FRAS1: variants seen among roughly 807,000 people sequenced by gnomAD.
FRAS1 encodes the protein extracellular matrix organizing protein FRAS1.
A neutral mutation model predicts 435.2 loss-of-function variants in FRAS1; 290 were observed. That is an observed-to-expected ratio of 0.67 (90% CI 0.61 to 0.73). The LOEUF is 0.73. FRAS1 is among the 30% of genes least tolerant of loss of function. The pLI is 0.00. For missense variants in FRAS1, 4,860 were observed against 5,001.5 expected, an observed-to-expected ratio of 0.97 and a Z score of 0.85; for synonymous variants, 1,800 against 1,851.0, an observed-to-expected ratio of 0.97 and a Z score of 0.71.
chr4:78,382,143 A>G (rs941827350), intron 27 of FRAS1, among the ~76,000 whole-genome samples: 2 of 152,158 alleles, frequency 1.3e-5, no homozygotes, highest in Non-Finnish European at 2.9e-5. Context: ...CACTGGAACA[A>G]AATGGCATTG....
At chr4:78,231,234 C>A (rs1363057193) in intron 2 of FRAS1, among the ~76,000 whole-genome samples, 1 of 151,884 alleles carries the variant, frequency 6.6e-6, no homozygotes, top group Admixed American at 6.6e-5. Context: ...GGATTACAGG[C>A]GTGAGCCACT....
intron 9 of FRAS1, among the ~76,000 whole-genome samples, chr4:78,275,224 G>A (rs1240613126): frequency 7.2e-5 from 11 of 152,058 alleles, no homozygotes; most frequent in African/African-American, 2.7e-4. Context: ...ACATGAGATG[G>A]GTCTCCTGAA....
chr4:78,087,625 C>A (rs1741259515), intron 2 of FRAS1, among the ~76,000 whole-genome samples: 2 of 152,102 alleles, frequency 1.3e-5, no homozygotes, highest in Admixed American at 6.6e-5. Flanking sequence ...TTCTTATACA[C>A]CAATAACAGA....
At position 78,540,665 on chromosome 4, in the gene FRAS1, C is replaced by T; in HGVS notation, c.11580C>T (p.Gly3860=). The change falls in exon 74 of 74, where the codon GGC becomes GGT. Residue 3860 remains glycine (G), a synonymous_variant. Transcript: ENST00000512123. ...RNRRDLVEPD[G]QLILDDSLIY... is the part of the protein sequence containing the mutation. ...GAAGGGACCTGGTAGAGCCCGATGG[C>T]CAGCTGATCCTTGATGATTCCCTCA... 6.2e-7 allele frequency: 1 copy of T among 1,612,554 alleles called. No individual in the cohort carries two copies. The highest frequency in any genetic ancestry group is 8.5e-7 in the Non-Finnish European group (1 of 1,179,088).
intron 2 of FRAS1, among the ~76,000 whole-genome samples, chr4:78,132,142 TTTA>T (rs1719711110): frequency 6.6e-6 from 1 of 152,230 alleles, no homozygotes; most frequent in Non-Finnish European, 1.5e-5. Context: ...GTGTTTTATT[TTTA>T]TTTTTTGCCA....
intron 12 of FRAS1, 115 bp from the exon 13 acceptor site, chr4:78,284,290 C>T (rs1727474059): frequency 1.2e-4 from 45 of 361,688 alleles, no homozygotes; most frequent in South Asian, 4.5e-4. Context: ...CCACAGTTTT[C>T]TGTTCTTCAT....
intron 2 of FRAS1, among the ~76,000 whole-genome samples, chr4:78,174,610 C>A (rs1247248958): frequency 6.6e-6 from 1 of 152,232 alleles, no homozygotes; most frequent in African/African-American, 2.4e-5. Flanking sequence ...TACCAACTGT[C>A]TAACAATTAA....
chr4:78,334,370 T>C (rs1478818192), intron 19 of FRAS1, among the ~76,000 whole-genome samples: 3 of 97,726 alleles, frequency 3.1e-5, no homozygotes, highest in Non-Finnish European at 6.9e-5. Flanking sequence ...TTTCTTTTTT[T>C]TTTTTTTTTT....
rs1178701954 is a variant in FRAS1, at chr4:78,119,807, G to T, written c.108+53791G>T. 3.3e-5 allele frequency among the ~76,000 whole-genome samples: 5 copies of T among 152,168 alleles called. No homozygotes were observed. In the East Asian group the frequency reaches 9.6e-4, roughly 29 times the overall value. On this transcript the variant is annotated intron_variant, in intron 2 of 73. Coordinates refer to ENST00000512123, the MANE Select transcript of FRAS1 (RefSeq NM_025074.7). The stretch of plus-strand genomic sequence containing the variant: ...AAGTGTCCCAGGTGATTCTGATACT[G>T]GTCCATGGACCAGTGTATGGGAAAC...
intron 2 of FRAS1, among the ~76,000 whole-genome samples, chr4:78,116,028 T>C (rs1743145360): frequency 6.6e-6 from 1 of 152,232 alleles, no homozygotes; most frequent in Admixed American, 6.5e-5. Flanking sequence ...TGGTATGTTG[T>C]GTCTTTGTTC....
At chr4:78,134,972 T>C (rs557765098) in intron 2 of FRAS1, among the ~76,000 whole-genome samples, 1 of 152,282 alleles carries the variant, frequency 6.6e-6, no homozygotes, top group South Asian at 2.1e-4. Context: ...TTATTATTTT[T>C]TTAAAATCCG....
intron 9 of FRAS1, among the ~76,000 whole-genome samples, chr4:78,272,093 G>T (rs926773547): frequency 7.2e-5 from 11 of 152,180 alleles, no homozygotes; most frequent in African/African-American, 2.2e-4. Flanking sequence ...TCATGTGTCT[G>T]TTGGCTGCAT....
chr4:78,444,289 G>A (rs920431551), intron 41 of FRAS1: 2 of 295,186 alleles, frequency 6.8e-6, no homozygotes, highest in African/African-American at 4.5e-5. Flanking sequence ...ATAGCCTAAT[G>A]ATTATTGGGT....
At chr4:78,132,020 A>C (rs1248827414) in intron 2 of FRAS1, among the ~76,000 whole-genome samples, 2 of 152,212 alleles carry the variant, frequency 1.3e-5, no homozygotes. Flanking sequence ...TCTTTATTTC[A>C]GTATGGTCCC....
intron 41 of FRAS1, among the ~76,000 whole-genome samples, chr4:78,442,754 T>C (rs1428205949): frequency 1.3e-5 from 2 of 152,190 alleles, no homozygotes; most frequent in African/African-American, 4.8e-5. Context: ...CCTGGAGGGT[T>C]GAAAGTGTTG....
In FRAS1 at chr4:78,496,845, T is replaced by C. The variant is rs1720520480; in HGVS notation, c.8999T>C (p.Phe3000Ser). Residue 3000 changes from phenylalanine (F) to serine (S), a missense_variant, in exon 60 of 74, where the codon TTT becomes TCT. By Grantham distance (155) the Phe-to-Ser change is radical (BLOSUM62 -2). Coordinates refer to ENST00000512123, the MANE Select transcript of FRAS1 (RefSeq NM_025074.7). ...CTVYIHDDSM[F>S]EPEEQFRVYL... Reference sequence around the variant, plus strand: ...GTCTATATCCACGATGACTCCATGTTTGAGCCAGAGGAACAGTTCAGGGTC... The same window carrying C: ...GTCTATATCCACGATGACTCCATGTCTGAGCCAGAGGAACAGTTCAGGGTC... 6.2e-7 allele frequency: 1 copy of C among 1,613,718 alleles called. No individual in the cohort carries two copies. The highest frequency in any genetic ancestry group is 8.5e-7 in the Non-Finnish European group (1 of 1,179,780).
At chr4:78,084,872 A>G (rs943171865) in intron 2 of FRAS1, among the ~76,000 whole-genome samples, 3 of 152,150 alleles carry the variant, frequency 2.0e-5, no homozygotes, top group South Asian at 4.1e-4. Context: ...TTCCTTTTAA[A>G]GAGAAAATGA....
chr4:78,250,398 T>C (rs1725478200), intron 4 of FRAS1, among the ~76,000 whole-genome samples: 1 of 152,188 alleles, frequency 6.6e-6, no homozygotes, highest in South Asian at 2.1e-4. Context: ...TTGGAGAACA[T>C]GATTTCCTGT....
chr4:78,274,839 G>C (rs975117716), intron 9 of FRAS1, among the ~76,000 whole-genome samples: 1 of 152,162 alleles, frequency 6.6e-6, no homozygotes, highest in Non-Finnish European at 1.5e-5. Context: ...TCTGCTTGGT[G>C]CAGAGCTGAG....
Sources: gnomAD v4.1 joint callset for allele counts (sites outside exome capture counted in the v4.1 genomes callset) on GRCh38, gnomAD v4.1.1 for gene constraint, MANE v1.5 for transcripts, NCBI Gene and HGNC (gene_info 2026-07-23, HGNC 2026-07-21) for gene names.